Variants in SULF1 observed in about 807,000 individuals in gnomAD.
SULF1 encodes the protein extracellular sulfatase Sulf-1.
In SULF1, 46 loss-of-function variants were observed where a neutral mutation model predicts 110.5. The ratio of observed to expected loss-of-function variants is 0.42; its 90% CI spans 0.33 to 0.53. SULF1 has a LOEUF of 0.53. SULF1 is among the 20% of genes least tolerant of loss of function. The probability of loss-of-function intolerance (pLI) is 0.12; values close to 1 mark genes in which losing one functional copy is unlikely to be tolerated. For synonymous variants in SULF1, 371 were observed against 387.1 expected (o/e 0.96, Z 0.49); for missense variants, 941 against 1,094.2 (o/e 0.86, Z 1.98).
At chr8:69,639,682 G>A (rs1777589835) in intron 21 of SULF1, among the ~76,000 whole-genome samples, 1 of 152,228 alleles carries the variant, frequency 6.6e-6, no homozygotes, top group African/African-American at 2.4e-5. Flanking sequence ...GCACTTGGGT[G>A]CAGTTTGCAG....
At chr8:69,634,881 C>T (rs573609220) in intron 19 of SULF1, among the ~76,000 whole-genome samples, 8 of 152,314 alleles carry the variant, frequency 5.3e-5, no homozygotes, top group African/African-American at 7.2e-5. Flanking sequence ...GATCTTGGCT[C>T]ACTGCAACCT....
intron 2 of SULF1, among the ~76,000 whole-genome samples, chr8:69,499,699 T>G (rs931018237): frequency 3.3e-5 from 5 of 152,224 alleles, no homozygotes. Flanking sequence ...GCCTCTGTTC[T>G]TTCTTCAATA....
chr8:69,478,721 A>T (rs1039486245), intron 1 of SULF1, among the ~76,000 whole-genome samples: 1 of 152,164 alleles, frequency 6.6e-6, no homozygotes, highest in African/African-American at 2.4e-5. Context: ...GCTCTTAATT[A>T]TGTACAATTT....
intron 5 of SULF1, among the ~76,000 whole-genome samples, chr8:69,568,480 T>A (rs921211083): frequency 6.6e-6 from 1 of 152,182 alleles, no homozygotes; most frequent in African/African-American, 2.4e-5. Context: ...TACTAGAACC[T>A]TGCATATGGA....
chr8:69,479,017 C>A (rs1174030009), intron 1 of SULF1, among the ~76,000 whole-genome samples: 2 of 152,186 alleles, frequency 1.3e-5, no homozygotes, highest in African/African-American at 4.8e-5. Context: ...AAGGCACCAT[C>A]TCATGCACTG....
chr8:69,469,011 A>G lies in SULF1; in HGVS notation c.-391+2061A>G, dbSNP rs149777805. Among the ~76,000 whole-genome samples the G allele has an allele frequency of 2.6e-5, 4 of 152,344 alleles. No homozygotes were observed. The East Asian group carries it at 7.7e-4, about 29-fold the overall frequency. ...CAGGATTAGGCAGGATAGAAACAAG[A>G]AAGGAAGTGTGGAGAGATAATAAAT... is the stretch of plus-strand genomic sequence containing the variant. On this transcript the variant is annotated intron_variant, in intron 1 of 22. Transcript: ENST00000260128.
intron 3 of SULF1, among the ~76,000 whole-genome samples, chr8:69,552,049 C>T (rs1459158668): frequency 4.6e-5 from 7 of 152,066 alleles, no homozygotes; most frequent in African/African-American, 1.5e-4. Context: ...CTGAGATCGC[C>T]GCCACTGCAC....
At chr8:69,552,210 C>G (rs1036267033) in intron 3 of SULF1, among the ~76,000 whole-genome samples, 2 of 152,182 alleles carry the variant, frequency 1.3e-5, no homozygotes, top group African/African-American at 4.8e-5. Context: ...AGTACTTGAG[C>G]CTAGGGCCTT....
At chr8:69,630,576 G>A (rs889156020) in intron 19 of SULF1, among the ~76,000 whole-genome samples, 8 of 152,156 alleles carry the variant, frequency 5.3e-5, no homozygotes, top group African/African-American at 1.7e-4. Context: ...AAATCACATC[G>A]AGGCCGAATG....
At chr8:69,475,667 A>T (rs931798971) in intron 1 of SULF1, among the ~76,000 whole-genome samples, 1 of 152,172 alleles carries the variant, frequency 6.6e-6, no homozygotes, top group Admixed American at 6.6e-5. Flanking sequence ...ATTATGGAAC[A>T]AATGTTTATC....
intron 18 of SULF1, 58 bp downstream of exon 18, chr8:69,628,294 T>C: frequency 6.8e-7 from 1 of 1,470,150 alleles, no homozygotes; most frequent in Admixed American, 1.7e-5. Flanking sequence ...CACCTGGCCC[T>C]TCGAAGAGGC....
At chr8:69,576,788 C>T (rs552773200) in intron 6 of SULF1, among the ~76,000 whole-genome samples, 10 of 152,302 alleles carry the variant, frequency 6.6e-5, no homozygotes, top group South Asian at 4.1e-4. Flanking sequence ...AAGGGCACAA[C>T]GTTGTTCGTA....
In SULF1 at chr8:69,473,937, T is replaced by C. The variant is rs147697649; in HGVS notation, c.-391+6987T>C. ...CTTTTTCCACTTCATAGTACGCAAA[T>C]AATTTCTGAGACAGGTTTGTTTCAA... On this transcript the variant is annotated intron_variant, in intron 1 of 22. Coordinates refer to the SULF1 transcript ENST00000260128. Among the ~76,000 whole-genome samples, 44 of 152,324 alleles carry C rather than the reference T, an allele frequency of 2.9e-4. No homozygotes were observed. In the East Asian group the frequency reaches 7.7e-3, roughly 27 times the overall value.
At chr8:69,638,374 A>G in intron 19 of SULF1, 128 bp from the exon 20 acceptor site, 2 of 1,129,206 alleles carry the variant, frequency 1.8e-6, no homozygotes, top group Non-Finnish European at 2.5e-6. Context: ...TTAACATGAA[A>G]CCACAATATT....
rs751417229 is a variant in SULF1, at chr8:69,589,050, G to A, written c.643G>A (p.Val215Ile). ...MSKRMYPHRP[V>I]MMVISHAAPH... ...TAAGAGAATGTATCCCCATAGGCCC[G>A]TTATGATGGTGATCAGCCACGCTGC... The change falls in exon 8 of 23, where the codon GTT becomes ATT. Residue 215 changes from valine (V) to isoleucine (I), a missense_variant. Physicochemically the swap from Val to Ile is conservative, Grantham distance 29 (BLOSUM62 3). Coordinates refer to ENST00000402687, the MANE Select transcript of SULF1 (RefSeq NM_001128205.2). 4.3e-6 allele frequency: 7 copies of A among 1,614,132 alleles called. No individual in the cohort carries two copies. In the South Asian group the frequency reaches 4.4e-5, roughly 10 times the overall value.
intron 3 of SULF1, among the ~76,000 whole-genome samples, chr8:69,529,630 A>G (rs924745648): frequency 1.3e-5 from 2 of 152,102 alleles, no homozygotes; most frequent in Non-Finnish European, 2.9e-5. Flanking sequence ...CAGACCCTAC[A>G]TTGTTCTAAG....
At chr8:69,627,706 A>G (rs1810206344) in intron 16 of SULF1, 66 bp from the exon 17 acceptor site, 1 of 1,103,726 alleles carries the variant, frequency 9.1e-7, no homozygotes, top group African/African-American at 1.6e-5. Flanking sequence ...ACAAGGTGAA[A>G]AGAAAAGTAC....
chr8:69,493,401 G>A (rs1020923373), intron 1 of SULF1, among the ~76,000 whole-genome samples: 1 of 150,982 alleles, frequency 6.6e-6, no homozygotes, highest in Non-Finnish European at 1.5e-5. Flanking sequence ...CAGCATTCTG[G>A]TGATGTCTGG....
intron 3 of SULF1, among the ~76,000 whole-genome samples, chr8:69,525,096 A>G (rs754201576): frequency 2.7e-4 from 41 of 152,236 alleles, no homozygotes; most frequent in Non-Finnish European, 4.8e-4. Context: ...TATGCCTACA[A>G]AAGTAATTCA....
Sources: gnomAD v4.1 joint callset for allele counts (sites outside exome capture counted in the v4.1 genomes callset) on GRCh38, gnomAD v4.1.1 for gene constraint, MANE v1.5 for transcripts, NCBI Gene and HGNC (gene_info 2026-07-23, HGNC 2026-07-21) for gene names.